CPSF2: variants seen among roughly 807,000 people sequenced by gnomAD.
CPSF2 encodes cleavage and polyadenylation specificity factor subunit 2.
Under a neutral mutation model 84.2 loss-of-function variants are expected in CPSF2, and 51 were observed. The ratio of observed to expected loss-of-function variants is 0.61; its 90% confidence interval spans 0.48 to 0.77. The LOEUF is 0.77. Among genes scored for constraint, CPSF2 ranks in the 30% least tolerant of loss-of-function variants. The pLI is 0.00. For synonymous variants in CPSF2, 286 were observed against 311.9 expected, an observed-to-expected ratio of 0.92 and a Z score of 0.87; for missense variants, 641 against 929.4, an observed-to-expected ratio of 0.69 and a Z score of 4.03.
At chr14:92,161,534 C>T in intron 15 of CPSF2, 118 bp from the exon 16 acceptor site, 1 of 672,966 alleles carries the variant, frequency 1.5e-6, no homozygotes, top group Non-Finnish European at 2.3e-6. Flanking sequence ...TGCTGTGAAT[C>T]AGAGCAACCC....
intron 14 of CPSF2, among the ~76,000 whole-genome samples, chr14:92,160,873 A>G (rs1355561005): frequency 6.6e-6 from 1 of 152,226 alleles, no homozygotes; most frequent in African/African-American, 2.4e-5. Context: ...AGGCATGACT[A>G]ACAAAACTGA....
chr14:92,157,117 C>G lies in CPSF2; in HGVS notation c.1595+486C>G, dbSNP rs1265190841. Among the ~76,000 whole-genome samples the G allele has an allele frequency of 6.6e-6, 1 of 152,108 alleles. No individual in the cohort carries two copies. The highest frequency in any genetic ancestry group is 1.5e-5 in the Non-Finnish European group (1 of 68,022). ...TAGTTAAATAATACCAGTAAGTGATCATTTTGGAATTTCTTTTAAGTCATC... is the reference window on the plus strand; with the variant it reads ...TAGTTAAATAATACCAGTAAGTGATGATTTTGGAATTTCTTTTAAGTCATC... On this transcript the variant is annotated intron_variant, in intron 12 of 15. Transcript: ENST00000298875. This position sits in a 1 kb window ranked among gnomAD's most constrained non-coding sequence, Gnocchi z 4.0.
At chr14:92,140,134 A>G (rs962849163) in intron 7 of CPSF2, among the ~76,000 whole-genome samples, 4 of 151,272 alleles carry the variant, frequency 2.6e-5, no homozygotes, top group East Asian at 3.9e-4. Context: ...TTGTACTTTT[A>G]ATAGAGACGG....
At chr14:92,138,606 T>C (rs984862367) in intron 7 of CPSF2, among the ~76,000 whole-genome samples, 29 of 152,068 alleles carry the variant, frequency 1.9e-4, no homozygotes, top group African/African-American at 6.8e-4. Flanking sequence ...ATTTTTGTAT[T>C]TTTAGTGGAG....
chr14:92,123,191 G>T (rs2068799968), intron 1 of CPSF2, among the ~76,000 whole-genome samples: 2 of 150,824 alleles, frequency 1.3e-5, no homozygotes, highest in South Asian at 4.2e-4. Context: ...GCAGTGGCAC[G>T]ATTCTCGGCT....
chr14:92,152,649 G>C (rs1327044663), intron 9 of CPSF2, among the ~76,000 whole-genome samples: 1 of 151,752 alleles, frequency 6.6e-6, no homozygotes, highest in Admixed American at 6.6e-5. Flanking sequence ...ATGTTGGCCA[G>C]GCTGGTCTCG....
In CPSF2 at chr14:92,163,430, A is replaced by G. The variant is rs2069401627; in HGVS notation, c.*1686A>G. The G allele has an allele frequency of 6.6e-6, 1 of 152,640 alleles. No homozygotes were observed. Among genetic ancestry groups the G allele is most frequent in the Non-Finnish European group, 1.5e-5 (1 of 68,040 alleles). 9.5% of individuals were successfully genotyped at this position (152,640 alleles called of 1,614,324 possible). ...ATGTTTTCTTTTTAGTGCTTTGGAAAAATTTCACTTAAACTCTTATTACTG... is the reference window on the plus strand; with the variant it reads ...ATGTTTTCTTTTTAGTGCTTTGGAAGAATTTCACTTAAACTCTTATTACTG... On this transcript the variant is annotated 3_prime_UTR_variant, in exon 16 of 16. Transcript: ENST00000298875.
intron 6 of CPSF2, among the ~76,000 whole-genome samples, chr14:92,135,886 T>C (rs1344701353): frequency 2.0e-5 from 3 of 152,232 alleles, no homozygotes; most frequent in Non-Finnish European, 2.9e-5. Flanking sequence ...TCTCATCTTA[T>C]AGCTCCCATA....
In CPSF2 at chr14:92,143,078, CTCTT is replaced by C. The variant is rs1455539851; in HGVS notation, c.926_929del (p.Ser309TyrfsTer46). ...ATAATCCGTTTCAGTTTCGCCATCTCTCTTTATGTCATGGTCTTTCTGACTTGGC... is the reference window on the plus strand; with the variant it reads ...ATAATCCGTTTCAGTTTCGCCATCTCTATGTCATGGTCTTTCTGACTTGGC... On this transcript the variant is annotated frameshift_variant, in exon 9 of 16. Transcript: ENST00000298875. LOFTEE classifies it high-confidence loss of function. The C allele has an allele frequency of 6.2e-7, 1 of 1,614,114 alleles. No individual in the cohort carries two copies. The highest frequency in any genetic ancestry group is 1.1e-5 in the South Asian group (1 of 91,086).
chr14:92,168,936 CCA>C lies in CPSF2; in HGVS notation c.*7193_*7194del, dbSNP rs751509901. ...TTTTTTTGTGAAATTGTTAAGGATT[CCA>C]TGATCCTACTAAAATTTTTGATAAT... On this transcript the variant is annotated 3_prime_UTR_variant, in exon 16 of 16. Coordinates refer to ENST00000298875, the MANE Select transcript of CPSF2 (RefSeq NM_017437.3). 9 of 152,068 alleles carry C rather than the reference CCA, an allele frequency of 5.9e-5. No homozygotes were observed. Among genetic ancestry groups the C allele is most frequent in the Non-Finnish European group, 1.0e-4 (7 of 68,004 alleles). The allele number at this position is 152,068 out of a possible 1,614,324, so 9.4% of individuals were successfully genotyped here. A position where few individuals can be genotyped will look rare whatever the true frequency, so the allele number is the denominator to read the frequency against.
rs1488273488 is a variant in CPSF2, at chr14:92,168,680, C to T, written c.*6936C>T. On this transcript the variant is annotated 3_prime_UTR_variant, in exon 16 of 16. Transcript: ENST00000298875. ...ACTTTGGGAGGCCAAGGCAGGCATA[C>T]TGCTTGAACTCAGGAGTTCAAGACC... The T allele has an allele frequency of 6.6e-6, 1 of 152,116 alleles. No individual in the cohort carries two copies. Among genetic ancestry groups the T allele is most frequent in the South Asian group, 2.1e-4 (1 of 4,824 alleles). The allele number at this position is 152,116 out of a possible 1,614,324, so 9.4% of individuals were successfully genotyped here. A position where few individuals can be genotyped will look rare whatever the true frequency, so the allele number is the denominator to read the frequency against.
At chr14:92,140,774 C>T (rs923036338) in intron 7 of CPSF2, among the ~76,000 whole-genome samples, 12 of 152,008 alleles carry the variant, frequency 7.9e-5, no homozygotes, top group African/African-American at 1.7e-4. Flanking sequence ...TTTTGCCAGA[C>T]GTGGTGGTAC....
At chr14:92,133,425 A>G (rs1595052726) in intron 3 of CPSF2, among the ~76,000 whole-genome samples, 2 of 139,778 alleles carry the variant, frequency 1.4e-5, no homozygotes, top group Admixed American at 1.4e-4. Flanking sequence ...CATCTAAAAA[A>G]AGAAAATCAA....
At chr14:92,140,334 A>G (rs2069059740) in intron 7 of CPSF2, among the ~76,000 whole-genome samples, 1 of 151,838 alleles carries the variant, frequency 6.6e-6, no homozygotes. Flanking sequence ...CACGCCTGAC[A>G]TTGTGGTCAA....
At chr14:92,134,487 T>C (rs958182897) in intron 5 of CPSF2, 132 bp downstream of exon 5, 2 of 627,860 alleles carry the variant, frequency 3.2e-6, no homozygotes, top group Non-Finnish European at 5.6e-6. Flanking sequence ...CATTCTGCCT[T>C]GATACAGAAC....
At chr14:92,128,746 G>T (rs932747114) in intron 2 of CPSF2, among the ~76,000 whole-genome samples, 1 of 152,220 alleles carries the variant, frequency 6.6e-6, no homozygotes, top group Non-Finnish European at 1.5e-5. Flanking sequence ...GAGGATTTTT[G>T]CAATGGGAAT....
chr14:92,126,369 T>C (rs1260416998), intron 2 of CPSF2, among the ~76,000 whole-genome samples, 189 bp downstream of exon 2: 3 of 152,250 alleles, frequency 2.0e-5, no homozygotes, highest in Non-Finnish European at 2.9e-5. Flanking sequence ...TAAGGAAGAC[T>C]TAAGTAGAAA....
At chr14:92,152,155 G>A (rs747803302) in intron 9 of CPSF2, among the ~76,000 whole-genome samples, 5 of 151,704 alleles carry the variant, frequency 3.3e-5, no homozygotes, top group Non-Finnish European at 5.9e-5. Flanking sequence ...TTGAGATGTA[G>A]TTTCGCTCTT....
At chr14:92,138,587 G>A (rs2069031972) in intron 7 of CPSF2, among the ~76,000 whole-genome samples, 1 of 151,912 alleles carries the variant, frequency 6.6e-6, no homozygotes, top group Non-Finnish European at 1.5e-5. Context: ...GCACCACCAC[G>A]CCCAGCTAAT....
Sources: gnomAD v4.1 joint callset for allele counts (sites outside exome capture counted in the v4.1 genomes callset) on GRCh38, gnomAD v4.1.1 for gene constraint, Gnocchi (gnomAD v3.1) non-coding constraint, MANE v1.5 for transcripts, NCBI Gene and HGNC (gene_info 2026-07-23, HGNC 2026-07-21) for gene names.